ANKS1B: variants seen among roughly 807,000 people sequenced by gnomAD.
ANKS1B encodes ankyrin repeat and sterile alpha motif domain containing 1B.
Under a neutral mutation model 148.3 loss-of-function variants are expected in ANKS1B, and 36 were observed. That is an observed-to-expected ratio of 0.24 (90% CI 0.19 to 0.32). The LOEUF (loss-of-function observed/expected upper bound fraction) is 0.32, where lower values mean the gene tolerates loss of function less well. ANKS1B is among the 10% of genes least tolerant of loss of function. The pLI is 1.00. For missense variants in ANKS1B, 1,157 were observed against 1,542.6 expected (o/e 0.75, Z 4.19); for synonymous variants, 542 against 560.8 (o/e 0.97, Z 0.47).
At chr12:99,886,486 T>C (rs1333397122) in intron 1 of ANKS1B, among the ~76,000 whole-genome samples, 1 of 152,200 alleles carries the variant, frequency 6.6e-6, no homozygotes, top group Non-Finnish European at 1.5e-5. Flanking sequence ...TTTATATGTA[T>C]AGACACATGT....
At chr12:99,305,084 A>T (rs1204520348) in intron 12 of ANKS1B, among the ~76,000 whole-genome samples, 1 of 152,006 alleles carries the variant, frequency 6.6e-6, no homozygotes, top group Non-Finnish European at 1.5e-5. Flanking sequence ...CAGGTGTATC[A>T]CATGGTGTGA....
intron 8 of ANKS1B, among the ~76,000 whole-genome samples, chr12:99,739,715 C>T (rs11110020): frequency 0.19 from 29,293 of 152,060 alleles, 3,137 homozygotes; most frequent in Middle Eastern, 0.24. Flanking sequence ...CCACCTCAAG[C>T]GTTCTGCTGC....
At chr12:99,007,022 T>C (rs2099936534) in intron 17 of ANKS1B, among the ~76,000 whole-genome samples, 1 of 151,656 alleles carries the variant, frequency 6.6e-6, no homozygotes, top group African/African-American at 2.4e-5. Context: ...AACTGACAGG[T>C]CCTACAATTA....
chr12:98,914,871 T>C (rs1267074495), intron 17 of ANKS1B, among the ~76,000 whole-genome samples: 2 of 152,226 alleles, frequency 1.3e-5, no homozygotes, highest in Non-Finnish European at 2.9e-5. Context: ...GGATGATTTT[T>C]CATCCCTCCT....
intron 12 of ANKS1B, among the ~76,000 whole-genome samples, chr12:99,323,478 A>G (rs1439864133): frequency 6.6e-6 from 1 of 152,130 alleles, no homozygotes; most frequent in Non-Finnish European, 1.5e-5. Context: ...CTCAACCCCA[A>G]CAGAGGCTCA....
At position 99,589,893 on chromosome 12, in the gene ANKS1B, A is replaced by G. The variant is rs76307870; in HGVS notation, c.1272+65174T>C. 2.8e-4 allele frequency among the ~76,000 whole-genome samples: 43 copies of G among 152,284 alleles called. 2 individuals carry two copies. The East Asian group carries it at 8.1e-3, about 29-fold the overall frequency. On this transcript the variant is annotated intron_variant, in intron 9 of 26. Coordinates refer to ENST00000683438, the MANE Select transcript of ANKS1B (RefSeq NM_001352186.2). ...ACACCCCAATTACCCTGATTTGACT[A>G]TGACACACTATATCTTTGTATTAAA...
chr12:99,913,833 A>G (rs1165616324), intron 1 of ANKS1B, among the ~76,000 whole-genome samples: 2 of 152,146 alleles, frequency 1.3e-5, no homozygotes, highest in Admixed American at 1.3e-4. Context: ...TGTTAAAAAA[A>G]AAACTCAAAC....
chr12:98,987,978 T>C (rs2099924415), intron 17 of ANKS1B, among the ~76,000 whole-genome samples: 1 of 152,228 alleles, frequency 6.6e-6, no homozygotes, highest in Admixed American at 6.5e-5. Context: ...GTAATTTAAT[T>C]ATTTATCTAT....
intron 8 of ANKS1B, among the ~76,000 whole-genome samples, chr12:99,720,314 C>A (rs11110014): frequency 0.18 from 27,846 of 152,158 alleles, 2,989 homozygotes; most frequent in Middle Eastern, 0.24. Context: ...TCTGTGTAGA[C>A]ACTTTCACTG....
intron 10 of ANKS1B, among the ~76,000 whole-genome samples, chr12:99,494,524 G>T (rs1038086579): frequency 2.6e-5 from 4 of 151,950 alleles, no homozygotes; most frequent in East Asian, 1.9e-4. Context: ...ACGAGGTCAG[G>T]AGATTGAGAC....
intron 17 of ANKS1B, among the ~76,000 whole-genome samples, chr12:98,869,376 G>A (rs2099641699): frequency 6.6e-6 from 1 of 152,082 alleles, no homozygotes; most frequent in South Asian, 2.1e-4. Flanking sequence ...AACACTCCTG[G>A]GAAGGATGAA....
At chr12:99,837,092 G>C (rs896041115) in intron 1 of ANKS1B, among the ~76,000 whole-genome samples, 1 of 152,114 alleles carries the variant, frequency 6.6e-6, no homozygotes, top group Non-Finnish European at 1.5e-5. Flanking sequence ...GGAGAAGAGG[G>C]AAATGGAAGA....
At chr12:98,851,247 C>T (rs1483242065) in intron 17 of ANKS1B, among the ~76,000 whole-genome samples, 2 of 152,064 alleles carry the variant, frequency 1.3e-5, no homozygotes, top group Non-Finnish European at 2.9e-5. Flanking sequence ...AAGCTCTGGG[C>T]CTAGTGGGGA....
At chr12:99,743,895 T>C (rs2060347028) in intron 8 of ANKS1B, among the ~76,000 whole-genome samples, 1 of 152,212 alleles carries the variant, frequency 6.6e-6, no homozygotes, top group African/African-American at 2.4e-5. Context: ...AAAAGCTTCA[T>C]ACATCTTGAT....
chr12:99,754,525 A>C (rs1328405067), intron 8 of ANKS1B, among the ~76,000 whole-genome samples: 1 of 151,884 alleles, frequency 6.6e-6, no homozygotes, highest in Non-Finnish European at 1.5e-5. Context: ...TATTTACAGA[A>C]CTCTCCCCCA....
At chr12:98,893,259 C>A (rs928012022) in intron 17 of ANKS1B, among the ~76,000 whole-genome samples, 6 of 152,170 alleles carry the variant, frequency 3.9e-5, no homozygotes, top group Admixed American at 3.9e-4. Context: ...TCTGAGGAAG[C>A]CTTTCCGGTG....
chr12:98,943,072 G>T (rs375259552), intron 17 of ANKS1B, among the ~76,000 whole-genome samples: 11 of 152,294 alleles, frequency 7.2e-5, no homozygotes, highest in African/African-American at 2.6e-4. Context: ...TACAATTCCT[G>T]TTTCCTTTAT....
At chr12:98,823,304 T>G (rs576896726) in intron 19 of ANKS1B, among the ~76,000 whole-genome samples, 16 of 152,348 alleles carry the variant, frequency 1.1e-4, no homozygotes, top group African/African-American at 3.8e-4. Context: ...TGTCTGTGCT[T>G]AAGTATTAAG....
chr12:98,782,909 G>C (rs539591330), intron 22 of ANKS1B, among the ~76,000 whole-genome samples: 1 of 152,322 alleles, frequency 6.6e-6, no homozygotes, highest in African/African-American at 2.4e-5. Context: ...TTAAAAATGT[G>C]CAAGACACAT....
Sources: gnomAD v4.1 joint callset for allele counts (sites outside exome capture counted in the v4.1 genomes callset) on GRCh38, gnomAD v4.1.1 for gene constraint, MANE v1.5 for transcripts, NCBI Gene and HGNC (gene_info 2026-07-23, HGNC 2026-07-21) for gene names.